The following TTN variants were observed in gnomAD, a reference collection of about 807,000 sequenced individuals.
TTN encodes titin.
Under a neutral mutation model 3,223.0 loss-of-function variants are expected in TTN, and 1,525 were observed. The ratio of observed to expected loss-of-function variants is 0.47; its 90% CI spans 0.45 to 0.49. TTN has a LOEUF of 0.49. TTN is among the 20% of genes least tolerant of loss of function. The pLI, the probability that TTN is intolerant of heterozygous loss-of-function variation, is 0.00. For synonymous variants in TTN, 14,094 were observed against 15,161.0 expected (o/e 0.93, Z 5.17); for missense variants, 40,786 against 43,424.0 (o/e 0.94, Z 5.40).
chr2:178,550,262 C>T lies in TTN; in HGVS notation c.91576G>A (p.Val30526Ile). ...MTRDENVPPI[V>I]EFGPEYFDGL... ...TCAAAGTATTCAGGGCCAAACTCTA[C>T]TATTGGTGGAACTATAAAAGAAAGA... is the stretch of plus-strand genomic sequence containing the variant. The change falls in exon 337 of 363, where the codon GTA becomes ATA. Residue 30526 changes from valine (V) to isoleucine (I), a missense_variant. By Grantham distance (29) the Val-to-Ile change is conservative (BLOSUM62 3). Transcript: ENST00000589042. 6.2e-7 allele frequency: 1 copy of T among 1,609,006 alleles called. No homozygotes were observed. The highest frequency in any genetic ancestry group is 2.2e-5 in the East Asian group (1 of 44,804).
chr2:178,786,200 T>C (rs2093167032), intron 13 of TTN, 59 bp from the exon 14 acceptor site: 1 of 1,583,014 alleles, frequency 6.3e-7, no homozygotes, highest in Non-Finnish European at 8.6e-7. Context: ...CTGGAATATC[T>C]CCTGGGCATC....
chr2:178,532,483 G>C lies in TTN; in HGVS notation c.104132C>G (p.Ser34711Cys), dbSNP rs767826322. The C allele has an allele frequency of 1.2e-6, 2 of 1,613,898 alleles. No individual in the cohort carries two copies. The highest frequency in any genetic ancestry group is 2.7e-5 in the African/African-American group (2 of 74,946). ...PHFELSSLRY[S>C]SPQAHVKVEE... Reference sequence around the variant, plus strand: ...CACCTTGACATGAGCTTGTGGTGAAGAGTAACGTAGGCTAGAAAGCTCAAA... The same window carrying C: ...CACCTTGACATGAGCTTGTGGTGAACAGTAACGTAGGCTAGAAAGCTCAAA... The change falls in exon 358 of 363, where the codon TCT becomes TGT. Residue 34711 changes from serine to cysteine, a missense_variant. Ser to Cys is a moderately radical substitution (Grantham distance 112). Coordinates refer to ENST00000589042, the MANE Select transcript of TTN (RefSeq NM_001267550.2).
chr2:178,632,104 GT>G, intron 236 of TTN, 42 bp downstream of exon 236: 1 of 1,505,898 alleles, frequency 6.6e-7, no homozygotes, highest in Non-Finnish European at 8.9e-7. Context: ...ACAAATTTCT[GT>G]TGAATTTAAT....
intron 15 of TTN, 31 bp from the exon 16 acceptor site, chr2:178,784,382 C>A (rs142850756): frequency 1.9e-6 from 3 of 1,612,126 alleles, no homozygotes; most frequent in East Asian, 4.5e-5. Flanking sequence ...AAAATAAAGT[C>A]ATTTAACCAT....
At position 178,603,872 on chromosome 2, in the gene TTN, T is replaced by C; in HGVS notation, c.54811+4A>G. 6.4e-7 allele frequency: 1 copy of C among 1,551,552 alleles called. No homozygotes were observed. The highest frequency in any genetic ancestry group is 8.8e-7 in the Non-Finnish European group (1 of 1,139,044). On this transcript the variant is annotated splice_donor_region_variant and intron_variant, in intron 282 of 362. Coordinates refer to ENST00000589042, the MANE Select transcript of TTN (RefSeq NM_001267550.2). ...TTAGTCCCCAGAAACGGAAGCATAC[T>C]TACATATGGGATCTCCTGCAACCTC...
At position 178,562,912 on chromosome 2, in the gene TTN, G is replaced by C. The variant is rs1364251085; in HGVS notation, c.83220C>G (p.Asp27740Glu). 6.2e-7 allele frequency: 1 copy of C among 1,613,500 alleles called. No homozygotes were observed. Among genetic ancestry groups the C allele is most frequent in the Non-Finnish European group, 8.5e-7 (1 of 1,179,692 alleles). Residue 27740 changes from aspartate (D) to glutamate (E), a missense_variant, in exon 326 of 363, where the codon GAC becomes GAG. By Grantham distance (45) the Asp-to-Glu change is conservative. Transcript: ENST00000589042. ...MLVIDNVTRFDSGRYNLTLEN... is the reference protein window; with the variant it reads ...MLVIDNVTRFESGRYNLTLEN... ...CTAATGTCAGATTATACCGACCACTGTCAAATCTGGTAACATTATCAATCA... is the reference window on the plus strand; with the variant it reads ...CTAATGTCAGATTATACCGACCACTCTCAAATCTGGTAACATTATCAATCA...
At position 178,672,281 on chromosome 2, in the gene TTN, T is replaced by C. The variant is rs762267960; in HGVS notation, c.34931-14A>G. The C allele has an allele frequency of 8.1e-6, 13 of 1,595,224 alleles. No individual in the cohort carries two copies. The South Asian group carries it at 1.5e-4, about 18-fold the overall frequency. ...GGACAGTTCTCCCTGAAAGAGCATC[T>C]ATTTTAAGACTTATTTTTTTAAACA... is the stretch of plus-strand genomic sequence containing the variant. On this transcript the variant is annotated splice_polypyrimidine_tract_variant and intron_variant, in intron 154 of 362. Transcript: ENST00000589042.
chr2:178,791,268 A>G (rs2093475404), intron 10 of TTN, among the ~76,000 whole-genome samples: 1 of 152,192 alleles, frequency 6.6e-6, no homozygotes, highest in Admixed American at 6.5e-5. Flanking sequence ...GGAGAGGGAA[A>G]TTCAGTCAGC....
chr2:178,531,537 A>G lies in TTN; in HGVS notation c.105078T>C (p.Tyr35026=). The G allele has an allele frequency of 9.3e-6, 15 of 1,613,966 alleles. No individual in the cohort carries two copies. Among genetic ancestry groups the G allele is most frequent in the Non-Finnish European group, 1.3e-5 (15 of 1,179,872 alleles). ...CCCCTCCTGTCACGTCCAACGTTGC[A>G]TAGTCAGAAGCTTCGCCCTTGTAGT... ...CTNYKGEASD[Y]ATLDVTGGDY... is the part of the protein sequence containing the mutation. Residue 35026 remains tyrosine (Y), a synonymous_variant, in exon 358 of 363, where the codon TAT becomes TAC. Transcript: ENST00000589042.
chr2:178,645,800 T>C, intron 217 of TTN, 120 bp downstream of exon 217: 1 of 600,574 alleles, frequency 1.7e-6, no homozygotes, highest in Non-Finnish European at 2.7e-6. Flanking sequence ...AATCTCACAG[T>C]ACAATCATGT....
rs552631098 is a variant in TTN at position 178,559,994 on chromosome 2, C to T, written c.86138G>A (p.Ser28713Asn). ...ATATTCAGCTCCTGTTGTTAGTCCG[C>T]TTATTGTATATTCTGTCCCTCGTAA... ...QSLRGTEYTI[S>N]GLTTGAEYVF... is the part of the protein sequence containing the mutation. The change falls in exon 326 of 363, where the codon AGC becomes AAC. Residue 28713 changes from serine to asparagine, a missense_variant. Transcript: ENST00000589042. 1.2e-6 allele frequency: 2 copies of T among 1,613,748 alleles called. No individual in the cohort carries two copies. Among genetic ancestry groups the T allele is most frequent in the East Asian group, 2.2e-5 (1 of 44,798 alleles).
intron 15 of TTN, among the ~76,000 whole-genome samples, chr2:178,785,344 G>A (rs150349421): frequency 2.1e-3 from 318 of 152,250 alleles, no homozygotes; most frequent in Admixed American, 5.0e-3. Context: ...AATTGAGTTT[G>A]AGCTGTCCCT....
At chr2:178,556,199 G>C (rs1477165776) in intron 330 of TTN, 1 of 152,888 alleles carries the variant, frequency 6.5e-6, no homozygotes, top group African/African-American at 2.4e-5. Context: ...GGAGGCCGAG[G>C]TGGGTGGATC....
chr2:178,647,692 T>A (rs556375463), intron 213 of TTN, among the ~76,000 whole-genome samples: 15 of 152,104 alleles, frequency 9.9e-5, no homozygotes, highest in Admixed American at 9.8e-4. Context: ...GTGGTCTAAC[T>A]TTGACACTTA....
At chr2:178,610,023 C>G (rs1365770306) in intron 271 of TTN, 37 bp from the exon 272 acceptor site, 2 of 1,610,132 alleles carry the variant, frequency 1.2e-6, no homozygotes, top group African/African-American at 2.7e-5. Context: ...ATCAGGAAAA[C>G]CACCTTCTTA....
At chr2:178,713,829 A>G in intron 92 of TTN, 68 bp downstream of exon 92, 1 of 1,554,498 alleles carries the variant, frequency 6.4e-7, no homozygotes, top group Non-Finnish European at 8.7e-7. Flanking sequence ...AACAACCCAT[A>G]TACATTTATG....
chr2:178,565,840 T>C lies in TTN; in HGVS notation c.80292A>G (p.Gly26764=), dbSNP rs756602703. The C allele has an allele frequency of 6.2e-6, 10 of 1,613,486 alleles. No individual in the cohort carries two copies. ...YFRVMAENEF[G]VGVPVETVDA... is the part of the protein sequence containing the mutation. The stretch of plus-strand genomic sequence containing the variant: ...CAACAGTTTCCACTGGAACACCAAC[T>C]CCAAATTCATTTTCAGCCATGACTC... The change falls in exon 326 of 363, where the codon GGA becomes GGG. Residue 26764 remains glycine, a synonymous_variant. Transcript: ENST00000589042.
chr2:178,609,079 C>T, intron 273 of TTN, 129 bp downstream of exon 273: 1 of 1,278,160 alleles, frequency 7.8e-7, no homozygotes, highest in East Asian at 2.5e-5. Flanking sequence ...ACATGGCCAG[C>T]AGATAAAATA....
chr2:178,766,098 T>C (rs1241807939), intron 41 of TTN, among the ~76,000 whole-genome samples: 1 of 152,168 alleles, frequency 6.6e-6, no homozygotes, highest in Admixed American at 6.5e-5. Flanking sequence ...TAGAAGCTCA[T>C]CTGGGGTATA....
Sources: gnomAD v4.1 joint callset for allele counts (sites outside exome capture counted in the v4.1 genomes callset) on GRCh38, gnomAD v4.1.1 for gene constraint, MANE v1.5 for transcripts, NCBI Gene and HGNC (gene_info 2026-07-23, HGNC 2026-07-21) for gene names.